COG2: variants seen among roughly 807,000 people sequenced by gnomAD.
COG2 encodes component of oligomeric golgi complex 2.
In COG2, 52 loss-of-function variants were observed where a neutral mutation model predicts 90.6. The observed-to-expected ratio is 0.57, with a 90% CI of 0.46 to 0.72. The LOEUF is 0.72. COG2 is among the 30% of genes least tolerant of loss of function. The probability of loss-of-function intolerance (pLI) is 0.00; values close to 1 mark genes in which losing one functional copy is unlikely to be tolerated. For missense variants in COG2, 829 were observed against 891.2 expected, an observed-to-expected ratio of 0.93 and a Z score of 0.89; for synonymous variants, 337 against 320.4, an observed-to-expected ratio of 1.05 and a Z score of -0.55.
chr1:230,653,855 T>C (rs578065541), intron 1 of COG2, among the ~76,000 whole-genome samples: 1 of 152,288 alleles, frequency 6.6e-6, no homozygotes, highest in South Asian at 2.1e-4. Flanking sequence ...AACTCACTTT[T>C]ATAACCCTCT....
rs77038920 is a variant in COG2 at position 230,659,038 on chromosome 1, A to G, written c.73-426A>G. On this transcript the variant is annotated intron_variant, in intron 1 of 17. Transcript: ENST00000366669. The stretch of plus-strand genomic sequence containing the variant: ...GGTAGAGAAAAAAATTAATAGATTA[A>G]TAGTGCTTATCTCTACAGCATGAGA... Among the ~76,000 whole-genome samples the G allele has an allele frequency of 6.2e-4, 94 of 152,230 alleles. No individual in the cohort carries two copies. In the East Asian group the frequency reaches 0.011, roughly 18 times the overall value.
chr1:230,671,822 C>G (rs1182701593), intron 8 of COG2, among the ~76,000 whole-genome samples, 182 bp downstream of exon 8: 1 of 152,148 alleles, frequency 6.6e-6, no homozygotes, highest in African/African-American at 2.4e-5. Flanking sequence ...AGCCTCATTT[C>G]AAAGTTGTGG....
chr1:230,645,019 G>A (rs943036394), intron 1 of COG2, among the ~76,000 whole-genome samples: 4 of 151,952 alleles, frequency 2.6e-5, no homozygotes, highest in Admixed American at 2.6e-4. Context: ...TGTTGACTTC[G>A]TCAGCTTAAT....
Position 230,690,087 on chromosome 1 carries a change from A to G in COG2, c.1868A>G (p.Lys623Arg). 8.1e-6 allele frequency: 13 copies of G among 1,613,484 alleles called. No individual in the cohort carries two copies. Among genetic ancestry groups the G allele is most frequent in the Non-Finnish European group, 1.1e-5 (13 of 1,179,726 alleles). ...TTATTCCAGCTTCAGAGCGGACACA[A>G]GGATAAGCTCAAACAAGCAATAATT... The part of the protein sequence containing the change: ...KPLFQLQSGH[K>R]DKLKQAIIQQ... The change falls in exon 16 of 18, where the codon AAG (lysine) becomes AGG (arginine). Residue 623 changes from lysine (K) to arginine (R), a missense_variant. Physicochemically the swap from Lys to Arg is conservative, Grantham distance 26. Transcript: ENST00000366669.
At chr1:230,663,053 T>A (rs1037987443) in intron 3 of COG2, 88 bp from the exon 4 acceptor site, 1 of 1,022,878 alleles carries the variant, frequency 9.8e-7, no homozygotes, top group Non-Finnish European at 1.4e-6. Context: ...CCTGTAGGTG[T>A]TAAGTCCTGT....
rs1662557860 is a variant in COG2 at position 230,675,144 on chromosome 1, C to T, written c.1026+20C>T. 1.2e-6 allele frequency: 2 copies of T among 1,601,100 alleles called. No homozygotes were observed. The highest frequency in any genetic ancestry group is 1.7e-6 in the Non-Finnish European group (2 of 1,173,266). ...CATGAGGTATCTCCCCGCCCGTCGT[C>T]TTGATTCTTGAAGATGTTAACCGGA... On this transcript the variant is annotated intron_variant, in intron 9 of 17. Coordinates refer to ENST00000366669, the MANE Select transcript of COG2 (RefSeq NM_007357.3).
intron 1 of COG2, among the ~76,000 whole-genome samples, chr1:230,654,036 G>A (rs1661985238): frequency 6.6e-6 from 1 of 152,226 alleles, no homozygotes; most frequent in African/African-American, 2.4e-5. Context: ...CAGGTGGACA[G>A]ATTGCAAAAA....
Position 230,669,515 on chromosome 1 carries a change from G to T in COG2, c.754G>T (p.Val252Leu). The change falls in exon 7 of 18, where the codon GTG (valine) becomes TTG (leucine). Residue 252 changes from valine (V) to leucine (L), a missense_variant. Transcript: ENST00000366669. ...DAEALVGQVL[V>L]KPYIDEVIIE... ...GGAGGCCTTAGTTGGCCAAGTACTA[G>T]TGAAACCATACATAGACGAGGTCTG... The T allele has an allele frequency of 1.2e-6, 2 of 1,613,932 alleles. No individual in the cohort carries two copies. Among genetic ancestry groups the T allele is most frequent in the Non-Finnish European group, 1.7e-6 (2 of 1,179,902 alleles).
At chr1:230,675,823 C>A (rs945451957) in intron 9 of COG2, among the ~76,000 whole-genome samples, 1 of 151,758 alleles carries the variant, frequency 6.6e-6, no homozygotes, top group African/African-American at 2.4e-5. Context: ...TTTTTCTTTT[C>A]TTTTTCTTTT....
At chr1:230,643,506 GA>G (rs1311662211) in intron 1 of COG2, among the ~76,000 whole-genome samples, 1 of 152,174 alleles carries the variant, frequency 6.6e-6, no homozygotes, top group Non-Finnish European at 1.5e-5. Flanking sequence ...GTTAAAAAGC[GA>G]AAAGTTTTAG....
chr1:230,656,722 G>C (rs1406822718), intron 1 of COG2, among the ~76,000 whole-genome samples: 1 of 152,164 alleles, frequency 6.6e-6, no homozygotes, highest in Non-Finnish European at 1.5e-5. Context: ...AAGTCTCTTT[G>C]TAGGTCTCTA....
At chr1:230,691,333 G>GT in intron 16 of COG2, 51 bp from the exon 17 acceptor site, 1 of 1,480,388 alleles carries the variant, frequency 6.8e-7, no homozygotes, top group Non-Finnish European at 9.1e-7. Context: ...ACTCTATTTG[G>GT]TGTTACACAC....
chr1:230,686,714 G>A (rs1662891968), intron 12 of COG2, among the ~76,000 whole-genome samples: 1 of 152,050 alleles, frequency 6.6e-6, no homozygotes, highest in South Asian at 2.1e-4. Context: ...AGTTCCAGAA[G>A]GTAAATGTAC....
rs2102771430 is a variant in COG2 at position 230,685,242 on chromosome 1, G to T, written c.1380+6G>T. On this transcript the variant is annotated splice_donor_region_variant and intron_variant, in intron 12 of 17. Coordinates refer to ENST00000366669, the MANE Select transcript of COG2 (RefSeq NM_007357.3). ...ACTCTGTGTTTGTCAATGAGGTAAG[G>T]GCTGGCTGTGGAGCTCATCCATAAT... 2 of 1,613,952 alleles carry T rather than the reference G, an allele frequency of 1.2e-6. No homozygotes were observed. The highest frequency in any genetic ancestry group is 1.1e-5 in the South Asian group (1 of 91,052).
chr1:230,651,068 G>A (rs981451751), intron 1 of COG2, among the ~76,000 whole-genome samples: 1 of 152,008 alleles, frequency 6.6e-6, no homozygotes, highest in Non-Finnish European at 1.5e-5. Context: ...CCACAGTTTA[G>A]CACATAATAT....
At chr1:230,669,560 A>G (rs1329813818) in intron 7 of COG2, 25 bp downstream of exon 7, 2 of 1,600,518 alleles carry the variant, frequency 1.2e-6, no homozygotes, top group South Asian at 1.1e-5. Flanking sequence ...TTCAACAAAC[A>G]TTCATGAGCT....
intron 1 of COG2, among the ~76,000 whole-genome samples, chr1:230,657,447 A>T (rs1282981337): frequency 6.6e-6 from 1 of 152,126 alleles, no homozygotes; most frequent in Non-Finnish European, 1.5e-5. Context: ...TGTTATTCTG[A>T]TGGGCTTCCC....
rs1301813382 is a variant in COG2 at position 230,693,554 on chromosome 1, A to G, written c.*161A>G. The G allele has an allele frequency of 1.2e-5, 6 of 486,910 alleles. No individual in the cohort carries two copies. The Admixed American group carries it at 2.0e-4, about 16-fold the overall frequency. 30.2% of individuals were successfully genotyped at this position (486,910 alleles called of 1,614,324 possible). On this transcript the variant is annotated 3_prime_UTR_variant, in exon 18 of 18. Transcript: ENST00000366669. ...ACGCCCATGCGTCTTCTCTCAGCGT[A>G]TTTGGGTCTTCTTTGCCCAAAAGAA... is the stretch of plus-strand genomic sequence containing the variant.
At chr1:230,672,320 C>T (rs1269851191) in intron 8 of COG2, among the ~76,000 whole-genome samples, 1 of 152,180 alleles carries the variant, frequency 6.6e-6, no homozygotes, top group African/African-American at 2.4e-5. Context: ...GGCATGAGGC[C>T]CTTTTTGTTC....
Sources: gnomAD v4.1 joint callset for allele counts (sites outside exome capture counted in the v4.1 genomes callset) on GRCh38, gnomAD v4.1.1 for gene constraint, MANE v1.5 for transcripts, NCBI Gene and HGNC (gene_info 2026-07-23, HGNC 2026-07-21) for gene names.